CSMD2: variants seen among roughly 807,000 people sequenced by gnomAD.
CSMD2 encodes CUB and sushi domain-containing protein 2.
In CSMD2, 130 loss-of-function variants were observed where a neutral mutation model predicts 398.5. That is an observed-to-expected ratio of 0.33 (90% CI 0.28 to 0.38). The LOEUF (loss-of-function observed/expected upper bound fraction) is 0.38, where lower values mean the gene tolerates loss of function less well. Ranked by LOEUF, CSMD2 falls within the 10% of genes least tolerant of loss-of-function variation. The probability of loss-of-function intolerance (pLI) is 1.00; values close to 1 mark genes in which losing one functional copy is unlikely to be tolerated. For missense variants in CSMD2, 3,829 were observed against 4,764.9 expected (o/e 0.80, Z 5.78); for synonymous variants, 1,828 against 1,908.5 (o/e 0.96, Z 1.10).
chr1:33,533,750 G>A lies in CSMD2; in HGVS notation c.9991+46C>T. On this transcript the variant is annotated intron_variant, in intron 63 of 70. Transcript: ENST00000373381. The surrounding 1 kb of genome is among the most constrained non-coding windows in gnomAD (Gnocchi z 4.2). ...TCAAACATGACCCAGATGCCCAGCTGGGGCAAGAGGAATTTTCTTGGGATG... is the reference window on the plus strand; with the variant it reads ...TCAAACATGACCCAGATGCCCAGCTAGGGCAAGAGGAATTTTCTTGGGATG... 7.8e-7 allele frequency: 1 copy of A among 1,287,262 alleles called. No homozygotes were observed. Among genetic ancestry groups the A allele is most frequent in the Non-Finnish European group, 1.1e-6 (1 of 883,770 alleles). 79.7% of individuals were successfully genotyped at this position (1,287,262 alleles called of 1,614,324 possible).
At chr1:33,695,225 G>C (rs1182367688) in intron 24 of CSMD2, among the ~76,000 whole-genome samples, 1 of 152,156 alleles carries the variant, frequency 6.6e-6, no homozygotes, top group Non-Finnish European at 1.5e-5. Context: ...TAGGGAGATG[G>C]GGGAGATGGG....
At chr1:33,941,029 A>G (rs1451206492) in intron 3 of CSMD2, among the ~76,000 whole-genome samples, 1 of 152,062 alleles carries the variant, frequency 6.6e-6, no homozygotes, top group Non-Finnish European at 1.5e-5. Flanking sequence ...TAGCACAGAT[A>G]CTATAACCGT....
chr1:33,746,210 C>G (rs1418620686), intron 13 of CSMD2, among the ~76,000 whole-genome samples: 1 of 152,178 alleles, frequency 6.6e-6, no homozygotes, highest in Non-Finnish European at 1.5e-5. Context: ...TGGATGCCCC[C>G]ACACAGCCAT....
At position 33,820,409 on chromosome 1, in the gene CSMD2, T is replaced by A. The variant is rs907021502; in HGVS notation, c.1199+60A>T. ...CCTGCAGGAAGGCCAGCCCCTGTCT[T>A]CCTCCCAGCCAGGCCACCCCACCCT... On this transcript the variant is annotated intron_variant, in intron 8 of 70. Coordinates refer to ENST00000373381, the MANE Select transcript of CSMD2 (RefSeq NM_001281956.2). 7 of 1,134,102 alleles carry A rather than the reference T, an allele frequency of 6.2e-6. No homozygotes were observed. The African/African-American group carries it at 9.2e-5, about 15-fold the overall frequency. The allele number at this position is 1,134,102 out of a possible 1,614,324, so 70.3% of individuals were successfully genotyped here.
At chr1:34,141,242 C>T (rs1171031850) in intron 1 of CSMD2, among the ~76,000 whole-genome samples, 4 of 150,978 alleles carry the variant, frequency 2.6e-5, no homozygotes, top group African/African-American at 9.7e-5. Flanking sequence ...ATTCATTCAA[C>T]ATCCCATAAA....
chr1:33,790,100 C>A (rs1009262605), intron 11 of CSMD2, among the ~76,000 whole-genome samples: 1 of 152,158 alleles, frequency 6.6e-6, no homozygotes, highest in Non-Finnish European at 1.5e-5. Context: ...GGATCCTAGT[C>A]TCTTGGGCAC....
Position 33,978,684 on chromosome 1 carries a change from A to G in CSMD2, c.518-42730T>C, listed in dbSNP as rs569194092. Among the ~76,000 whole-genome samples the G allele has an allele frequency of 4.6e-5, 7 of 152,290 alleles. No homozygotes were observed. The East Asian group carries it at 1.4e-3, about 29-fold the overall frequency. On this transcript the variant is annotated intron_variant, in intron 3 of 70. Transcript: ENST00000373381. The stretch of plus-strand genomic sequence containing the variant: ...AGAGGACACCGTACCTAAGAACCCT[A>G]GAAACTCAGAGTGGCTGGGATGATG...
rs57404424 is a variant in CSMD2 at position 33,823,100 on chromosome 1, C to T, written c.1112-2544G>A. 2.5e-3 allele frequency among the ~76,000 whole-genome samples: 386 copies of T among 152,242 alleles called. 3 individuals carry two copies. Among genetic ancestry groups the T allele is most frequent in the African/African-American group, 8.5e-3 (352 of 41,544 alleles). ...TCAGGACGGGGCTGGACTCAAGAGG[C>T]GAGACCATGGCAAAGCCCACCCGCC... On this transcript the variant is annotated intron_variant, in intron 7 of 70. Transcript: ENST00000373381.
At chr1:33,664,383 T>C (rs1038963126) in intron 25 of CSMD2, among the ~76,000 whole-genome samples, 10 of 152,202 alleles carry the variant, frequency 6.6e-5, no homozygotes, top group African/African-American at 2.2e-4. Flanking sequence ...GAAATGGACA[T>C]TGTTATATAA....
chr1:34,025,081 C>T (rs539332927), intron 3 of CSMD2, among the ~76,000 whole-genome samples: 2 of 152,330 alleles, frequency 1.3e-5, no homozygotes, highest in South Asian at 2.1e-4. Flanking sequence ...CACAGAAGCA[C>T]ACTGTGTTCT....
chr1:33,799,580 A>C (rs897749566), intron 10 of CSMD2, among the ~76,000 whole-genome samples: 3 of 152,238 alleles, frequency 2.0e-5, no homozygotes, highest in Non-Finnish European at 4.4e-5. Context: ...TATCTTGCCA[A>C]TCTCAGAGCT....
chr1:33,865,780 T>C (rs926648869), intron 5 of CSMD2, among the ~76,000 whole-genome samples: 3 of 152,234 alleles, frequency 2.0e-5, no homozygotes, highest in Admixed American at 6.5e-5. Context: ...CATTTCATTT[T>C]TTCCCTGACA....
At chr1:34,084,489 G>A (rs1291639587) in intron 2 of CSMD2, among the ~76,000 whole-genome samples, 1 of 152,132 alleles carries the variant, frequency 6.6e-6, no homozygotes, top group African/African-American at 2.4e-5. Flanking sequence ...ATCTGACAAA[G>A]GGCTAATATC....
chr1:33,533,189 G>T lies in CSMD2; in HGVS notation c.10032C>A (p.Asn3344Lys). The stretch of plus-strand genomic sequence containing the variant: ...TGGAGGGCAAATCCAGGGCCCCGAC[G>T]TTGGCATGCGTTGGCGTCTCTGGCT... ...CRQPETPTHA[N>K]VGALDLPSMG... Residue 3344 changes from asparagine to lysine, a missense_variant, in exon 64 of 71, where the codon AAC (asparagine) becomes AAA (lysine). Physicochemically the swap from Asn to Lys is moderately conservative, Grantham distance 94 (BLOSUM62 0). Coordinates refer to ENST00000373381, the MANE Select transcript of CSMD2 (RefSeq NM_001281956.2). This position sits in a 1 kb window ranked among gnomAD's most constrained non-coding sequence, Gnocchi z 4.2. 6.2e-7 allele frequency: 1 copy of T among 1,613,998 alleles called. No individual in the cohort carries two copies. Among genetic ancestry groups the T allele is most frequent in the South Asian group, 1.1e-5 (1 of 91,006 alleles).
Position 33,734,304 on chromosome 1 carries a change from C to T in CSMD2, c.2368+4836G>A, listed in dbSNP as rs534309801. ...TGGGACTGGGAAATGAGCATTTCCACTTTGAGCTGTATTGCACTTGTGCAT... is the reference window on the plus strand; with the variant it reads ...TGGGACTGGGAAATGAGCATTTCCATTTTGAGCTGTATTGCACTTGTGCAT... On this transcript the variant is annotated intron_variant, in intron 15 of 70. Coordinates refer to ENST00000373381, the MANE Select transcript of CSMD2 (RefSeq NM_001281956.2). Among the ~76,000 whole-genome samples the T allele has an allele frequency of 1.4e-4, 21 of 152,286 alleles. 1 individual carries two copies. In the East Asian group the frequency reaches 3.5e-3, roughly 25 times the overall value.
rs936645921 is a variant in CSMD2, at chr1:33,624,815, C to T, written c.5501-172G>A. ...CGGCCTCTCCCCATGCAACTCTGTT[C>T]GGGGCCCTGGGCCCAGCTCCTCTCT... is the stretch of plus-strand genomic sequence containing the variant. On this transcript the variant is annotated intron_variant, in intron 34 of 70. Coordinates refer to ENST00000373381, the MANE Select transcript of CSMD2 (RefSeq NM_001281956.2). The surrounding 1 kb of genome is among the most constrained non-coding windows in gnomAD (Gnocchi z 4.7). Among the ~76,000 whole-genome samples the T allele has an allele frequency of 1.3e-4, 20 of 152,150 alleles. No homozygotes were observed. Among genetic ancestry groups the T allele is most frequent in the African/African-American group, 4.3e-4 (18 of 41,426 alleles).
intron 44 of CSMD2, among the ~76,000 whole-genome samples, chr1:33,592,745 C>A (rs754768519): frequency 6.6e-6 from 1 of 152,030 alleles, no homozygotes; most frequent in East Asian, 1.9e-4. Context: ...GTCAGGATAT[C>A]GAGACCATCC....
intron 22 of CSMD2, among the ~76,000 whole-genome samples, chr1:33,701,826 AC>A (rs1645622403): frequency 6.6e-6 from 1 of 152,260 alleles, no homozygotes; most frequent in Non-Finnish European, 1.5e-5. Flanking sequence ...AATCACCGAA[AC>A]ATATGGAAAT....
At chr1:33,644,777 T>C (rs1252282260) in intron 29 of CSMD2, among the ~76,000 whole-genome samples, 1 of 152,088 alleles carries the variant, frequency 6.6e-6, no homozygotes, top group Non-Finnish European at 1.5e-5. Flanking sequence ...TTCTGTTTGT[T>C]AGAATTCCAA....
Sources: allele counts gnomAD v4.1 joint callset (sites outside exome capture counted in the v4.1 genomes callset), GRCh38; gene constraint gnomAD v4.1.1; non-coding constraint Gnocchi (gnomAD v3.1); transcripts MANE v1.5; gene names NCBI Gene and HGNC (gene_info 2026-07-23, HGNC 2026-07-21).